DCLK2: variants seen among roughly 807,000 people sequenced by gnomAD.
The protein encoded by DCLK2 is serine/threonine-protein kinase DCLK2.
In DCLK2, 31 loss-of-function variants were observed where a neutral mutation model predicts 78.4. That is an observed-to-expected ratio of 0.40 (90% CI 0.30 to 0.53). DCLK2 has a LOEUF of 0.53. Ranked by LOEUF, DCLK2 falls within the 20% of genes least tolerant of loss-of-function variation. The pLI is 0.61. For synonymous variants in DCLK2, 407 were observed against 374.9 expected, an observed-to-expected ratio of 1.09 and a Z score of -0.99; for missense variants, 872 against 973.7, an observed-to-expected ratio of 0.90 and a Z score of 1.39.
intron 2 of DCLK2, among the ~76,000 whole-genome samples, chr4:150,159,954 T>C (rs1315227820): frequency 1.3e-5 from 2 of 151,936 alleles, no homozygotes; most frequent in Non-Finnish European, 2.9e-5. Flanking sequence ...TCCTTTTCCT[T>C]CTTCTTTACT....
At chr4:150,082,405 A>G (rs1023523077) in intron 1 of DCLK2, among the ~76,000 whole-genome samples, 1 of 152,198 alleles carries the variant, frequency 6.6e-6, no homozygotes, top group African/African-American at 2.4e-5. Context: ...CAGAGCCCCA[A>G]TCTCATTGAA....
intron 2 of DCLK2, among the ~76,000 whole-genome samples, chr4:150,185,119 C>T (rs574817068): frequency 4.6e-5 from 7 of 152,122 alleles, no homozygotes; most frequent in South Asian, 2.1e-4. Flanking sequence ...AATTGACTCA[C>T]GGTTCAGCAT....
chr4:150,201,193 C>T (rs1384257932), intron 4 of DCLK2, among the ~76,000 whole-genome samples: 1 of 152,128 alleles, frequency 6.6e-6, no homozygotes, highest in African/African-American at 2.4e-5. Flanking sequence ...ACAAAAAAGC[C>T]CCCAAGTTTC....
At chr4:150,091,210 C>T (rs1165750514) in intron 1 of DCLK2, among the ~76,000 whole-genome samples, 1 of 152,194 alleles carries the variant, frequency 6.6e-6, no homozygotes, top group Non-Finnish European at 1.5e-5. Context: ...CGGTCTCACA[C>T]AAACGCTGCG....
intron 1 of DCLK2, among the ~76,000 whole-genome samples, chr4:150,083,250 A>C (rs1449383092): frequency 6.6e-6 from 1 of 152,238 alleles, no homozygotes; most frequent in African/African-American, 2.4e-5. Flanking sequence ...AGTCAAAGGC[A>C]TTAAGAGCTA....
intron 2 of DCLK2, among the ~76,000 whole-genome samples, chr4:150,162,773 G>A (rs1376160229): frequency 6.6e-6 from 1 of 152,062 alleles, no homozygotes; most frequent in African/African-American, 2.4e-5. Flanking sequence ...CCCAGCCTAA[G>A]TCTTCTATTT....
chr4:150,243,065 T>A (rs866540841), intron 12 of DCLK2, among the ~76,000 whole-genome samples: 1 of 152,184 alleles, frequency 6.6e-6, no homozygotes, highest in Non-Finnish European at 1.5e-5. Flanking sequence ...CACAACTCCC[T>A]CTAGTGTTTG....
intron 4 of DCLK2, 59 bp downstream of exon 4, chr4:150,198,162 T>G: frequency 6.8e-7 from 1 of 1,466,502 alleles, no homozygotes; most frequent in South Asian, 1.3e-5. Flanking sequence ...TCCTTCTGTT[T>G]TCTCTAATTT....
chr4:150,185,332 C>T (rs948604071), intron 2 of DCLK2, among the ~76,000 whole-genome samples: 4 of 152,208 alleles, frequency 2.6e-5, no homozygotes, highest in Admixed American at 2.0e-4. Context: ...CGAGGTTTCT[C>T]CTCCAACGCG....
At chr4:150,171,196 G>C (rs539518727) in intron 2 of DCLK2, among the ~76,000 whole-genome samples, 2 of 152,266 alleles carry the variant, frequency 1.3e-5, no homozygotes, top group East Asian at 3.9e-4. Flanking sequence ...AGATGATTTA[G>C]TTGGCTGGGC....
chr4:150,157,440 A>C (rs1735373111), intron 2 of DCLK2, among the ~76,000 whole-genome samples: 1 of 151,524 alleles, frequency 6.6e-6, no homozygotes, highest in Admixed American at 6.6e-5. Flanking sequence ...GACTACAAAC[A>C]TGTGCCACTA....
At chr4:150,130,975 A>C (rs1044416564) in intron 2 of DCLK2, among the ~76,000 whole-genome samples, 5 of 152,298 alleles carry the variant, frequency 3.3e-5, no homozygotes, top group Non-Finnish European at 2.9e-5. Flanking sequence ...CTAAATGTTG[A>C]ACAAATGGAA....
intron 12 of DCLK2, among the ~76,000 whole-genome samples, chr4:150,242,999 A>G (rs773234886): frequency 2.0e-5 from 3 of 152,180 alleles, no homozygotes; most frequent in Non-Finnish European, 2.9e-5. Context: ...GGCTAACCCA[A>G]GCTGGGATCA....
intron 2 of DCLK2, among the ~76,000 whole-genome samples, chr4:150,125,284 A>G (rs1394415950): frequency 1.3e-5 from 2 of 152,204 alleles, no homozygotes; most frequent in Non-Finnish European, 2.9e-5. Context: ...GCTCATTTCC[A>G]AGATTCAAAA....
intron 5 of DCLK2, among the ~76,000 whole-genome samples, chr4:150,207,853 G>T (rs957676473): frequency 6.6e-6 from 1 of 152,164 alleles, no homozygotes; most frequent in African/African-American, 2.4e-5. Flanking sequence ...TTTATTCAAA[G>T]AGTGGGGGTG....
At chr4:150,112,801 T>A (rs1731785501) in intron 2 of DCLK2, among the ~76,000 whole-genome samples, 1 of 149,300 alleles carries the variant, frequency 6.7e-6, no homozygotes, top group East Asian at 2.0e-4. Context: ...CATGGTGAAT[T>A]ATCTTTTTCT....
At chr4:150,212,422 A>C (rs1488950910) in intron 5 of DCLK2, among the ~76,000 whole-genome samples, 1 of 152,196 alleles carries the variant, frequency 6.6e-6, no homozygotes, top group Admixed American at 6.5e-5. Flanking sequence ...GACCTTAGAC[A>C]TTTTTGCTTT....
intron 12 of DCLK2, among the ~76,000 whole-genome samples, chr4:150,243,793 C>T (rs868749771): frequency 1.3e-5 from 2 of 150,920 alleles, no homozygotes; most frequent in Non-Finnish European, 2.9e-5. Context: ...ACAGCCCACT[C>T]CAGGCTCAAG....
intron 2 of DCLK2, among the ~76,000 whole-genome samples, chr4:150,179,785 C>T (rs1237784409): frequency 6.6e-6 from 1 of 152,134 alleles, no homozygotes; most frequent in African/African-American, 2.4e-5. Context: ...TACTTTTGCA[C>T]CAACCTAATA....
Sources: gnomAD v4.1 joint callset for allele counts (sites outside exome capture counted in the v4.1 genomes callset) on GRCh38, gnomAD v4.1.1 for gene constraint, MANE v1.5 for transcripts, NCBI Gene and HGNC (gene_info 2026-07-23, HGNC 2026-07-21) for gene names.